ABCA13: variants seen among roughly 807,000 people sequenced by gnomAD.
ABCA13 encodes ATP-binding cassette sub-family A member 13.
A neutral mutation model predicts 478.7 loss-of-function variants in ABCA13; 476 were observed. The observed-to-expected ratio is 0.99, with a 90% CI of 0.92 to 1.07. The LOEUF (loss-of-function observed/expected upper bound fraction) is 1.07, where lower values mean the gene tolerates loss of function less well. Ranked by LOEUF, ABCA13 falls within the 50% of genes least tolerant of loss-of-function variation. ABCA13 has a pLI of 0.00. For synonymous variants in ABCA13, 2,252 were observed against 2,158.9 expected, an observed-to-expected ratio of 1.04 and a Z score of -1.20; for missense variants, 6,060 against 5,910.6, an observed-to-expected ratio of 1.03 and a Z score of -0.83.
chr7:48,460,223 T>C (rs542734351), intron 43 of ABCA13, among the ~76,000 whole-genome samples: 1 of 152,108 alleles, frequency 6.6e-6, no homozygotes, highest in African/African-American at 2.4e-5. Context: ...AGAAACTGGG[T>C]GCGTTTTTTA....
intron 3 of ABCA13, among the ~76,000 whole-genome samples, chr7:48,209,430 A>G (rs1279813017): frequency 1.3e-5 from 2 of 152,048 alleles, no homozygotes; most frequent in African/African-American, 2.4e-5. Flanking sequence ...GATTAGTTTG[A>G]GTAGGATTAG....
intron 45 of ABCA13, among the ~76,000 whole-genome samples, chr7:48,475,332 C>T (rs1395761379): frequency 6.6e-6 from 1 of 151,984 alleles, no homozygotes; most frequent in Non-Finnish European, 1.5e-5. Flanking sequence ...AAGGCCAGTT[C>T]TCTGGTCTTT....
chr7:48,643,196 C>A, intron 59 of ABCA13, 92 bp from the exon 60 acceptor site: 2 of 785,084 alleles, frequency 2.5e-6, no homozygotes, highest in Non-Finnish European at 4.1e-6. Flanking sequence ...TAATTACTTC[C>A]TTTTTCTCCC....
intron 29 of ABCA13, among the ~76,000 whole-genome samples, chr7:48,349,906 A>C (rs1325807866): frequency 1.3e-5 from 2 of 152,168 alleles, no homozygotes; most frequent in East Asian, 3.8e-4. Flanking sequence ...GTCACCATAC[A>C]TCTTTCCTGC....
intron 42 of ABCA13, among the ~76,000 whole-genome samples, chr7:48,434,109 T>TG (rs1822509466): frequency 6.6e-6 from 1 of 151,990 alleles, no homozygotes; most frequent in Non-Finnish European, 1.5e-5. Flanking sequence ...CCACAGTGGT[T>TG]GCACCATTTT....
chr7:48,553,964 T>G (rs984716061), intron 55 of ABCA13, among the ~76,000 whole-genome samples: 7 of 151,974 alleles, frequency 4.6e-5, no homozygotes, highest in African/African-American at 1.7e-4. Flanking sequence ...TTTGAGGTGT[T>G]AGATTTAATT....
chr7:48,482,585 G>A (rs1429744021), intron 46 of ABCA13, among the ~76,000 whole-genome samples: 3 of 151,758 alleles, frequency 2.0e-5, no homozygotes, highest in African/African-American at 7.3e-5. Flanking sequence ...AAAAAGACAG[G>A]GTTTCACCAT....
intron 59 of ABCA13, among the ~76,000 whole-genome samples, chr7:48,632,988 GGATAAATCTTCAT>G (rs1311017802): frequency 2.0e-5 from 3 of 151,956 alleles, no homozygotes; most frequent in Non-Finnish European, 4.4e-5. Flanking sequence ...GAAAACATAG[GGATAAATCTTCAT>G]GACCTTGAAA....
At chr7:48,465,524 C>CT (rs71552482) in intron 43 of ABCA13, among the ~76,000 whole-genome samples, 12,531 of 134,340 alleles carry the variant, frequency 0.093, 658 homozygotes, top group East Asian at 0.17. Flanking sequence ...TTTCTTCTTT[C>CT]TTTTTTTTTT....
intron 20 of ABCA13, among the ~76,000 whole-genome samples, chr7:48,294,425 GTTTTTT>G (rs370890353): frequency 6.2e-5 from 5 of 80,382 alleles, no homozygotes; most frequent in Non-Finnish European, 8.1e-5. Context: ...GTTTCTATGG[GTTTTTT>G]TTTTTTTTTT....
rs561334128 is a variant in ABCA13 at position 48,553,104 on chromosome 7, A to G, written c.14354+24759A>G. ...TTCTGTACTTGGTTTATTTCACTTA[A>G]CACAATGACCACCAGTTCCATACAT... is the stretch of plus-strand genomic sequence containing the variant. On this transcript the variant is annotated intron_variant, in intron 55 of 61. Coordinates refer to ENST00000435803, the MANE Select transcript of ABCA13 (RefSeq NM_152701.5). Among the ~76,000 whole-genome samples the G allele has an allele frequency of 3.3e-5, 5 of 152,240 alleles. No homozygotes were observed. In the South Asian group the frequency reaches 8.3e-4, roughly 25 times the overall value.
At chr7:48,443,605 GTTTAGCATT>G (rs1319597586) in intron 42 of ABCA13, among the ~76,000 whole-genome samples, 2 of 152,114 alleles carry the variant, frequency 1.3e-5, no homozygotes, top group Non-Finnish European at 2.9e-5. Context: ...TTCCCAGTAG[GTTTAGCATT>G]TTTATCATTT....
chr7:48,386,598 G>A (rs1815229627), intron 35 of ABCA13, among the ~76,000 whole-genome samples: 2 of 152,096 alleles, frequency 1.3e-5, no homozygotes, highest in Admixed American at 6.5e-5. Context: ...CTACAACTAT[G>A]TGATCTTCAA....
chr7:48,596,931 C>T (rs1049888689), intron 58 of ABCA13, among the ~76,000 whole-genome samples: 3 of 151,814 alleles, frequency 2.0e-5, no homozygotes, highest in African/African-American at 7.3e-5. Context: ...TAGTCTGCTG[C>T]ATCTCTTTTT....
intron 10 of ABCA13, among the ~76,000 whole-genome samples, chr7:48,241,393 C>T (rs7776605): frequency 0.47 from 70,921 of 152,078 alleles, 17,192 homozygotes; most frequent in East Asian, 0.76. Flanking sequence ...TTTTTATGTA[C>T]AGAACTACCT....
chr7:48,378,037 A>G (rs1813775173), intron 35 of ABCA13, among the ~76,000 whole-genome samples: 2 of 152,204 alleles, frequency 1.3e-5, no homozygotes, highest in Non-Finnish European at 2.9e-5. Context: ...ACATTATGGT[A>G]AAGCAAAGGA....
chr7:48,545,406 G>T (rs981279925), intron 55 of ABCA13, among the ~76,000 whole-genome samples: 11 of 151,700 alleles, frequency 7.3e-5, no homozygotes, highest in Non-Finnish European at 1.5e-5. Flanking sequence ...TAGAATTGTG[G>T]GAGTTTAAAT....
Position 48,278,470 on chromosome 7 carries a change from C to A in ABCA13, c.7276C>A (p.Leu2426Ile). 1 of 1,613,954 alleles carries A rather than the reference C, an allele frequency of 6.2e-7. No homozygotes were observed. Among genetic ancestry groups the A allele is most frequent in the Non-Finnish European group, 8.5e-7 (1 of 1,179,868 alleles). Residue 2426 changes from leucine to isoleucine, a missense_variant, in exon 18 of 62, where the codon CTT becomes ATT. By Grantham distance (5) the Leu-to-Ile change is conservative. Around this residue, in one of 3 missense-constraint regions of ABCA13, gnomAD observed 4,423 missense variants for 4,309.1 expected, o/e 1.03. Coordinates refer to ENST00000435803, the MANE Select transcript of ABCA13 (RefSeq NM_152701.5). ...VRECSTEMAR[L>I]LDTILHSPNK... ...AGAATGTTCAACAGAGATGGCAAGACTTCTGGATACAATTTTACACTCTCC... is the reference window on the plus strand; with the variant it reads ...AGAATGTTCAACAGAGATGGCAAGAATTCTGGATACAATTTTACACTCTCC...
intron 38 of ABCA13, among the ~76,000 whole-genome samples, chr7:48,396,402 C>T (rs1264813641): frequency 3.3e-5 from 5 of 152,206 alleles, no homozygotes; most frequent in Admixed American, 3.3e-4. Context: ...GTGCCAGGAA[C>T]TTACATGAGT....
Sources: gnomAD v4.1 joint callset for allele counts (sites outside exome capture counted in the v4.1 genomes callset) on GRCh38, gnomAD v4.1.1 for gene constraint, gnomAD v4.1.1 regional missense constraint, MANE v1.5 for transcripts, NCBI Gene and HGNC (gene_info 2026-07-23, HGNC 2026-07-21) for gene names.